Variants in FAF1 observed in about 807,000 individuals in gnomAD.
The protein encoded by FAF1 is Fas associated factor 1.
FAF1 carries 25 observed loss-of-function variants against 92.5 expected under a neutral mutation model. That is an observed-to-expected ratio of 0.27 (90% confidence interval 0.20 to 0.38). FAF1 has a LOEUF of 0.38. Ranked by LOEUF, FAF1 falls within the 10% of genes least tolerant of loss-of-function variation. The probability of loss-of-function intolerance (pLI) is 1.00; values close to 1 mark genes in which losing one functional copy is unlikely to be tolerated. For synonymous variants in FAF1, 234 were observed against 273.2 expected, an observed-to-expected ratio of 0.86 and a Z score of 1.42; for missense variants, 636 against 793.3, an observed-to-expected ratio of 0.80 and a Z score of 2.38.
At chr1:50,732,782 T>G (rs1229074245) in intron 6 of FAF1, among the ~76,000 whole-genome samples, 1 of 152,184 alleles carries the variant, frequency 6.6e-6, no homozygotes, top group African/African-American at 2.4e-5. Flanking sequence ...CTGTTTTCTA[T>G]TATACTTGTT....
intron 18 of FAF1, among the ~76,000 whole-genome samples, chr1:50,457,212 G>A (rs938480918): frequency 6.6e-6 from 1 of 151,912 alleles, no homozygotes; most frequent in Admixed American, 6.5e-5. Flanking sequence ...AGCCAAACCT[G>A]AAGATTCAGA....
chr1:50,557,496 T>A (rs1322065852), intron 13 of FAF1, among the ~76,000 whole-genome samples: 1 of 152,186 alleles, frequency 6.6e-6, no homozygotes, highest in Non-Finnish European at 1.5e-5. Flanking sequence ...ACTCTCCAAT[T>A]CCAGACTAAC....
At chr1:50,854,673 A>T (rs1354498218) in intron 2 of FAF1, among the ~76,000 whole-genome samples, 2 of 151,930 alleles carry the variant, frequency 1.3e-5, no homozygotes, top group Non-Finnish European at 2.9e-5. Flanking sequence ...ACATAACAAA[A>T]ATAATGTGCC....
chr1:50,788,757 G>C (rs995973251), intron 3 of FAF1, among the ~76,000 whole-genome samples: 2 of 152,074 alleles, frequency 1.3e-5, no homozygotes, highest in Non-Finnish European at 2.9e-5. Flanking sequence ...GCCCACATAA[G>C]CACTCTCTCT....
intron 1 of FAF1, among the ~76,000 whole-genome samples, chr1:50,916,741 T>C (rs545576526): frequency 2.3e-4 from 35 of 152,256 alleles, no homozygotes; most frequent in African/African-American, 7.9e-4. Context: ...TAGGGAAACA[T>C]AGAAATGAAG....
intron 4 of FAF1, among the ~76,000 whole-genome samples, chr1:50,762,795 TA>T (rs1660384352): frequency 6.6e-6 from 1 of 151,780 alleles, no homozygotes; most frequent in South Asian, 2.1e-4. Flanking sequence ...ACTTCATGTC[TA>T]AAACACCAAA....
At chr1:50,499,903 A>G (rs1221134822) in intron 15 of FAF1, among the ~76,000 whole-genome samples, 2 of 152,216 alleles carry the variant, frequency 1.3e-5, no homozygotes, top group African/African-American at 4.8e-5. Flanking sequence ...TTACAGTTTA[A>G]AAATATCATT....
intron 6 of FAF1, among the ~76,000 whole-genome samples, chr1:50,738,559 T>C (rs1388092154): frequency 1.3e-5 from 2 of 152,120 alleles, no homozygotes; most frequent in Non-Finnish European, 2.9e-5. Flanking sequence ...TGGAACTCCA[T>C]TTATACTTTC....
chr1:50,582,017 C>T (rs908105561), intron 12 of FAF1, among the ~76,000 whole-genome samples: 2 of 147,390 alleles, frequency 1.4e-5, no homozygotes, highest in Non-Finnish European at 3.0e-5. Context: ...ATCACAAAGT[C>T]CATTTCTATG....
intron 7 of FAF1, among the ~76,000 whole-genome samples, chr1:50,692,294 G>T (rs923423771): frequency 5.1e-5 from 5 of 98,696 alleles, no homozygotes; most frequent in African/African-American, 1.1e-4. Flanking sequence ...TGTGTGTGTG[G>T]TGGGAACATT....
At chr1:50,670,561 A>C (rs1223818399) in intron 7 of FAF1, among the ~76,000 whole-genome samples, 1 of 152,214 alleles carries the variant, frequency 6.6e-6, no homozygotes, top group Non-Finnish European at 1.5e-5. Flanking sequence ...TTGAACTATA[A>C]AGGTAGAAAT....
intron 8 of FAF1, among the ~76,000 whole-genome samples, chr1:50,613,073 T>C (rs531899130): frequency 6.6e-6 from 1 of 152,356 alleles, no homozygotes; most frequent in Non-Finnish European, 1.5e-5. Flanking sequence ...CTAACTTATA[T>C]GGGTACTTTT....
rs1646152774 is a variant in FAF1, at chr1:50,439,868, AC to A, written c.*1571del. The A allele has an allele frequency of 6.6e-6, 1 of 152,170 alleles. No homozygotes were observed. Among genetic ancestry groups the A allele is most frequent in the Admixed American group, 6.5e-5 (1 of 15,286 alleles). 9.4% of individuals were successfully genotyped at this position (152,170 alleles called of 1,614,324 possible). On this transcript the variant is annotated 3_prime_UTR_variant, in exon 19 of 19. Coordinates refer to ENST00000396153, the MANE Select transcript of FAF1 (RefSeq NM_007051.3). ...TGGGTCTCTCAGCCTCCCTAGAGAG[AC>A]CCCTGCTGCCAGAGAAAGCCCATAC...
intron 6 of FAF1, among the ~76,000 whole-genome samples, chr1:50,726,746 G>A (rs1159741931): frequency 2.6e-5 from 4 of 152,110 alleles, no homozygotes; most frequent in Non-Finnish European, 4.4e-5. Flanking sequence ...GGAGAATGGC[G>A]TGAATCCGGG....
At chr1:50,823,025 C>T (rs1373060716) in intron 2 of FAF1, among the ~76,000 whole-genome samples, 2 of 152,064 alleles carry the variant, frequency 1.3e-5, no homozygotes, top group Non-Finnish European at 2.9e-5. Flanking sequence ...CTGCCCGCCT[C>T]GGCCTCCCAA....
intron 8 of FAF1, among the ~76,000 whole-genome samples, chr1:50,637,596 T>C (rs12031188): frequency 0.3 from 45,834 of 151,570 alleles, 8,941 homozygotes; most frequent in East Asian, 0.8. Context: ...AGTGAATCCA[T>C]AGCTGTCTGG....
At chr1:50,729,026 C>CTATA (rs1569847516) in intron 6 of FAF1, among the ~76,000 whole-genome samples, 2 of 73,634 alleles carry the variant, frequency 2.7e-5, no homozygotes, top group East Asian at 2.5e-4. Flanking sequence ...ATCTATCTAT[C>CTATA]TATCTATCTA....
Position 50,475,584 on chromosome 1 carries a change from G to T in FAF1, c.1749C>A (p.Gly583=), listed in dbSNP as rs1646628897. The change falls in exon 18 of 19, where the codon GGC becomes GGA. Residue 583 remains glycine (G), a synonymous_variant. Coordinates refer to ENST00000396153, the MANE Select transcript of FAF1 (RefSeq NM_007051.3). The part of the protein sequence containing the change: ...VSKLRIRTPS[G]EFLERRFLAS... ...CCAGGAAACGCCGCTCCAAGAACTC[G>T]CCACTGGGGGTCCGGATCCGCAGTT... is the stretch of plus-strand genomic sequence containing the variant. 1 of 1,613,914 alleles carries T rather than the reference G, an allele frequency of 6.2e-7. No homozygotes were observed. Among genetic ancestry groups the T allele is most frequent in the African/African-American group, 1.3e-5 (1 of 74,906 alleles).
At chr1:50,628,988 G>C (rs1186171498) in intron 8 of FAF1, among the ~76,000 whole-genome samples, 1 of 152,112 alleles carries the variant, frequency 6.6e-6, no homozygotes, top group Non-Finnish European at 1.5e-5. Flanking sequence ...AAAATGGGGT[G>C]AATAATAGCC....
Sources: allele counts gnomAD v4.1 joint callset (sites outside exome capture counted in the v4.1 genomes callset), GRCh38; gene constraint gnomAD v4.1.1; transcripts MANE v1.5; gene names NCBI Gene and HGNC (gene_info 2026-07-23, HGNC 2026-07-21).